The following PLAC1 variants were observed in gnomAD, a reference collection of about 807,000 sequenced individuals.
PLAC1 encodes placenta-specific protein 1.
For synonymous variants in PLAC1, 68 were observed against 62.1 expected (o/e 1.09, Z -0.44); for missense variants, 136 against 163.2 (o/e 0.83, Z 0.91).
chrX:134,674,717 T>G (rs975853406), intron 2 of PLAC1, among the ~76,000 whole-genome samples: 1 of 112,436 alleles, frequency 8.9e-6, no homozygotes, highest in African/African-American at 3.2e-5. Flanking sequence ...TAGACCACAC[T>G]AACTGCTTTG....
At chrX:134,695,364 G>A (rs2078559204) in intron 2 of PLAC1, among the ~76,000 whole-genome samples, 1 of 112,060 alleles carries the variant, frequency 8.9e-6, no homozygotes, top group Admixed American at 9.5e-5. Context: ...ATATGTAATG[G>A]CAGAAACAAA....
At chrX:134,629,069 C>T (rs1470632883) in intron 1 of PLAC1, among the ~76,000 whole-genome samples, 1 of 111,857 alleles carries the variant, frequency 8.9e-6, no homozygotes, top group African/African-American at 3.3e-5. Flanking sequence ...TTGATTTTTC[C>T]ATTTTTCCAT....
intron 2 of PLAC1, among the ~76,000 whole-genome samples, chrX:134,581,692 T>A (rs1213525765): frequency 4.5e-5 from 5 of 110,297 alleles, no homozygotes; most frequent in Non-Finnish European, 9.5e-5. Context: ...TTGGCCAGGC[T>A]GGTCTCAAAC....
intron 2 of PLAC1, among the ~76,000 whole-genome samples, chrX:134,713,768 C>T (rs896365858): frequency 6.2e-5 from 7 of 112,125 alleles, no homozygotes; most frequent in African/African-American, 2.3e-4. Flanking sequence ...TAATTACCTC[C>T]GTGCCTAGGC....
At chrX:134,674,371 C>T (rs192610870) in intron 2 of PLAC1, among the ~76,000 whole-genome samples, 248 of 112,308 alleles carry the variant, frequency 2.2e-3, no homozygotes, top group Admixed American at 3.3e-3. Flanking sequence ...AGAGAGCCTC[C>T]AGCCAAAAGG....
At chrX:134,653,853 T>C (rs954900542) in intron 1 of PLAC1, among the ~76,000 whole-genome samples, 1 of 112,040 alleles carries the variant, frequency 8.9e-6, no homozygotes, top group Admixed American at 9.5e-5. Flanking sequence ...TAGCTGCAAA[T>C]AAATAAAATA....
At chrX:134,634,442 C>T (rs956897529) in intron 1 of PLAC1, among the ~76,000 whole-genome samples, 2 of 111,957 alleles carry the variant, frequency 1.8e-5, no homozygotes, top group African/African-American at 3.3e-5. Context: ...AGTTCTGCAA[C>T]CATCACCACA....
In PLAC1 at chrX:134,716,279, G is replaced by A. The variant is rs769352887; in HGVS notation, n.174+17156C>T. On this transcript the variant is annotated intron_variant and non_coding_transcript_variant, in intron 2 of 2. Transcript: ENST00000466797. ...CCTAGGGTTCCTTGCGGGGAGCCAC[G>A]AGCTTCACACATTCAGCTGCTAATG... 5.3e-5 allele frequency among the ~76,000 whole-genome samples: 6 copies of A among 112,471 alleles called. No individual in the cohort carries two copies. In the East Asian group the frequency reaches 1.1e-3, roughly 21 times the overall value.
At chrX:134,631,114 C>T (rs1425113649) in intron 1 of PLAC1, among the ~76,000 whole-genome samples, 2 of 111,550 alleles carry the variant, frequency 1.8e-5, no homozygotes, top group Non-Finnish European at 3.8e-5. Flanking sequence ...TCTTCTTTGG[C>T]GATGATAAAA....
chrX:134,574,001 G>A (rs1419572039), intron 2 of PLAC1, among the ~76,000 whole-genome samples: 2 of 110,610 alleles, frequency 1.8e-5, no homozygotes, highest in Non-Finnish European at 3.8e-5. Flanking sequence ...CGTGCATATC[G>A]GAGTAGGTAA....
At chrX:134,728,403 C>T (rs921015838) in intron 2 of PLAC1, among the ~76,000 whole-genome samples, 1 of 111,845 alleles carries the variant, frequency 8.9e-6, no homozygotes, top group Non-Finnish European at 1.9e-5. Context: ...AGGGAAGTGA[C>T]TCATCACATA....
At chrX:134,758,583 T>C (rs1249392057) in intron 1 of PLAC1, among the ~76,000 whole-genome samples, 5 of 111,582 alleles carry the variant, frequency 4.5e-5, no homozygotes, top group African/African-American at 1.6e-4. Flanking sequence ...CTGGGAAAAA[T>C]GAATAGCCAC....
intron 1 of PLAC1, among the ~76,000 whole-genome samples, chrX:134,648,105 C>A (rs1445318809): frequency 9.0e-6 from 1 of 111,401 alleles, no homozygotes. Context: ...AAATTCATTC[C>A]TTTTATTTGA....
intron 2 of PLAC1, among the ~76,000 whole-genome samples, chrX:134,578,861 C>G (rs767943737): frequency 9.2e-6 from 1 of 109,284 alleles, no homozygotes; most frequent in Admixed American, 9.9e-5. Context: ...ATTTCTTGCA[C>G]CGAATTTAAA....
intron 2 of PLAC1, among the ~76,000 whole-genome samples, chrX:134,593,795 T>TA (rs751295120): frequency 4.5e-5 from 5 of 111,647 alleles, no homozygotes; most frequent in Non-Finnish European, 7.6e-5. Flanking sequence ...TTTAGGAGTT[T>TA]AAAAAAAATA....
intron 1 of PLAC1, among the ~76,000 whole-genome samples, chrX:134,653,336 C>A (rs2078373600): frequency 8.9e-6 from 1 of 112,367 alleles, no homozygotes; most frequent in South Asian, 3.7e-4. Flanking sequence ...CACTACCCAC[C>A]CTTCTCCATT....
chrX:134,628,667 CTAA>C (rs1431412489), intron 1 of PLAC1, among the ~76,000 whole-genome samples: 2 of 112,208 alleles, frequency 1.8e-5, no homozygotes, highest in Non-Finnish European at 3.8e-5. Flanking sequence ...TTGTAGAATC[CTAA>C]TGTTATGCCT....
intron 1 of PLAC1, among the ~76,000 whole-genome samples, chrX:134,636,620 T>G (rs757664618): frequency 1.8e-5 from 2 of 112,178 alleles, no homozygotes; most frequent in Non-Finnish European, 3.8e-5. Flanking sequence ...GCAGAAAAGC[T>G]TCCATGGATA....
rs369561875 is a variant in PLAC1 at position 134,764,049 on chromosome X, C to G, written n.89+185G>C. ...GTATATTTTAAGATTTGGGCCATAT[C>G]TGGCTATGGATCGTTCATACTATCA... On this transcript the variant is annotated intron_variant and non_coding_transcript_variant, in intron 1 of 2. Transcript: ENST00000466797. Among the ~76,000 whole-genome samples the G allele has an allele frequency of 4.5e-5, 5 of 111,409 alleles. No homozygotes were observed. In the East Asian group the frequency reaches 1.4e-3, roughly 31 times the overall value.
Sources: gnomAD v4.1 joint callset for allele counts (sites outside exome capture counted in the v4.1 genomes callset) on GRCh38, gnomAD v4.1.1 for gene constraint, MANE v1.5 for transcripts, NCBI Gene and HGNC (gene_info 2026-07-23, HGNC 2026-07-21) for gene names.